Variants in PDGFD observed in about 807,000 individuals in gnomAD.
PDGFD encodes the protein platelet derived growth factor D, also known as platelet-derived growth factor D.
Under a neutral mutation model 44.7 loss-of-function variants are expected in PDGFD, and 30 were observed. The ratio of observed to expected loss-of-function variants is 0.67; its 90% CI spans 0.50 to 0.91. PDGFD has a LOEUF of 0.91. PDGFD is among the 40% of genes least tolerant of loss of function. PDGFD has a pLI of 0.00. For missense variants in PDGFD, 445 were observed against 457.8 expected, an observed-to-expected ratio of 0.97 and a Z score of 0.25; for synonymous variants, 173 against 168.4, an observed-to-expected ratio of 1.03 and a Z score of -0.21.
chr11:104,012,677 A>G (rs1859800833), intron 1 of PDGFD, among the ~76,000 whole-genome samples: 1 of 152,218 alleles, frequency 6.6e-6, no homozygotes, highest in South Asian at 2.1e-4. Flanking sequence ...AGGACAGATT[A>G]TACTAGCCTA....
chr11:103,939,934 T>C (rs1360196126), intron 5 of PDGFD, among the ~76,000 whole-genome samples: 1 of 152,146 alleles, frequency 6.6e-6, no homozygotes, highest in Admixed American at 6.6e-5. Flanking sequence ...TAACTTGTTA[T>C]ATTATCTTCA....
chr11:104,160,619 G>A (rs952064739), intron 1 of PDGFD, among the ~76,000 whole-genome samples: 3 of 152,078 alleles, frequency 2.0e-5, no homozygotes, highest in Non-Finnish European at 2.9e-5. Context: ...TAATAAATAC[G>A]ATATAAGGAA....
chr11:103,995,795 T>A (rs1456253139), intron 3 of PDGFD, among the ~76,000 whole-genome samples: 1 of 152,244 alleles, frequency 6.6e-6, no homozygotes, highest in Non-Finnish European at 1.5e-5. Flanking sequence ...CAAAAGGCAA[T>A]TTAGTATCAG....
chr11:103,926,498 T>C (rs1468742374), intron 6 of PDGFD, among the ~76,000 whole-genome samples: 1 of 152,234 alleles, frequency 6.6e-6, no homozygotes, highest in African/African-American at 2.4e-5. Flanking sequence ...CTATCTTTAT[T>C]GTGCCAAATT....
chr11:103,996,384 T>G, intron 2 of PDGFD, 139 bp from the exon 3 acceptor site: 1 of 833,390 alleles, frequency 1.2e-6, no homozygotes, highest in East Asian at 2.8e-5. Flanking sequence ...TACAGAAATG[T>G]TAAAAGGAAA....
intron 6 of PDGFD, among the ~76,000 whole-genome samples, chr11:103,912,282 C>T (rs1349582252): frequency 4.6e-5 from 7 of 152,324 alleles, no homozygotes; most frequent in East Asian, 3.9e-4. Context: ...GCGGATCTCC[C>T]GGCAGAAACC....
chr11:104,026,752 CTG>C (rs1324272292), intron 1 of PDGFD, among the ~76,000 whole-genome samples: 2 of 152,186 alleles, frequency 1.3e-5, no homozygotes, highest in African/African-American at 4.8e-5. Flanking sequence ...CTCCTTAACT[CTG>C]TAATTTGTTT....
At chr11:104,025,980 T>C (rs573045038) in intron 1 of PDGFD, among the ~76,000 whole-genome samples, 1 of 152,288 alleles carries the variant, frequency 6.6e-6, no homozygotes, top group East Asian at 1.9e-4. Context: ...AGATGGTCTT[T>C]GTGTTTCTGC....
At chr11:103,957,790 C>T (rs988810124) in intron 3 of PDGFD, among the ~76,000 whole-genome samples, 5 of 151,168 alleles carry the variant, frequency 3.3e-5, no homozygotes, top group Admixed American at 1.3e-4. Flanking sequence ...AGAGGATCAG[C>T]GTGTTTGCAG....
At chr11:104,123,346 C>A (rs918130290) in intron 1 of PDGFD, among the ~76,000 whole-genome samples, 1 of 151,818 alleles carries the variant, frequency 6.6e-6, no homozygotes, top group Non-Finnish European at 1.5e-5. Context: ...GAAAATAATA[C>A]ATTCTATTTC....
At chr11:104,065,575 T>C (rs1860778324) in intron 1 of PDGFD, among the ~76,000 whole-genome samples, 1 of 152,314 alleles carries the variant, frequency 6.6e-6, no homozygotes, top group Non-Finnish European at 1.5e-5. Flanking sequence ...TAAAATAGAA[T>C]TGGCTTTTAA....
intron 1 of PDGFD, among the ~76,000 whole-genome samples, chr11:104,017,918 TC>T (rs1859883935): frequency 6.6e-6 from 1 of 152,116 alleles, no homozygotes; most frequent in Admixed American, 6.5e-5. Flanking sequence ...CATTTATATC[TC>T]CAGAAAGATT....
At chr11:103,927,333 A>G (rs992005177) in intron 5 of PDGFD, among the ~76,000 whole-genome samples, 1 of 152,188 alleles carries the variant, frequency 6.6e-6, no homozygotes, top group Non-Finnish European at 1.5e-5. Context: ...AAATAACAAC[A>G]AAAACAAAAC....
intron 3 of PDGFD, among the ~76,000 whole-genome samples, chr11:103,973,602 T>C (rs1859136887): frequency 6.6e-6 from 1 of 152,142 alleles, no homozygotes; most frequent in Non-Finnish European, 1.5e-5. Flanking sequence ...AATTCATTCT[T>C]TATTGAGGTT....
intron 1 of PDGFD, among the ~76,000 whole-genome samples, chr11:104,151,744 A>T (rs910413905): frequency 6.6e-6 from 1 of 152,154 alleles, no homozygotes; most frequent in Non-Finnish European, 1.5e-5. Context: ...TCCTAAAATT[A>T]AAAGTTGCTT....
chr11:104,155,528 T>C (rs1393655984), intron 1 of PDGFD, among the ~76,000 whole-genome samples: 1 of 152,200 alleles, frequency 6.6e-6, no homozygotes, highest in African/African-American at 2.4e-5. Context: ...CCAGTTCTCT[T>C]ATCTATTCTA....
At chr11:104,013,860 T>A (rs2134376765) in intron 1 of PDGFD, among the ~76,000 whole-genome samples, 1 of 151,888 alleles carries the variant, frequency 6.6e-6, no homozygotes, top group Non-Finnish European at 1.5e-5. Flanking sequence ...AGAAGATTCA[T>A]AAAGATTTGA....
At position 104,101,906 on chromosome 11, in the gene PDGFD, C is replaced by T. The variant is rs865946698; in HGVS notation, c.124+61898G>A. Among the ~76,000 whole-genome samples, 636 of 151,308 alleles carry T rather than the reference C, an allele frequency of 4.2e-3. 2 individuals carry two copies. The highest frequency in any genetic ancestry group is 0.014 in the African/African-American group (559 of 40,674). The stretch of plus-strand genomic sequence containing the variant: ...AAGCTGAAACTGGATCCCTTCCTTA[C>T]ACCTTATACAAAAATTAATTCAAGA... On this transcript the variant is annotated intron_variant, in intron 1 of 6. Transcript: ENST00000393158.
intron 5 of PDGFD, among the ~76,000 whole-genome samples, chr11:103,939,489 T>G (rs1565289762): frequency 6.6e-6 from 1 of 152,198 alleles, no homozygotes; most frequent in African/African-American, 2.4e-5. Context: ...TATACAATCA[T>G]GTCATCTGCA....
Sources: gnomAD v4.1 joint callset for allele counts (sites outside exome capture counted in the v4.1 genomes callset) on GRCh38, gnomAD v4.1.1 for gene constraint, MANE v1.5 for transcripts, NCBI Gene and HGNC (gene_info 2026-07-23, HGNC 2026-07-21) for gene names.